Variants in GPR107 observed in about 807,000 individuals in gnomAD.
The protein encoded by GPR107 is protein GPR107.
In GPR107, 31 loss-of-function variants were observed where a neutral mutation model predicts 75.5. That is an observed-to-expected ratio of 0.41 (90% CI 0.31 to 0.55). GPR107 has a LOEUF of 0.55. Among genes scored for constraint, GPR107 ranks in the 20% least tolerant of loss-of-function variants. The probability of loss-of-function intolerance (pLI) is 0.26; values close to 1 mark genes in which losing one functional copy is unlikely to be tolerated. For missense variants in GPR107, 572 were observed against 665.7 expected (o/e 0.86, Z 1.55); for synonymous variants, 267 against 251.3 (o/e 1.06, Z -0.59).
At chr9:130,074,317 C>G (rs1353876928) in intron 1 of GPR107, among the ~76,000 whole-genome samples, 1 of 152,142 alleles carries the variant, frequency 6.6e-6, no homozygotes, top group Admixed American at 6.6e-5. Context: ...CCTCACAGGC[C>G]TTTGGTGTTT....
At position 130,083,592 on chromosome 9, in the gene GPR107, T is replaced by C; in HGVS notation, c.554T>C (p.Val185Ala). ...GGTGGAAAGTCTAAAAGAAGTACAG[T>C]GGATTCAAAGGTAAGAACTAACCAC... Reference protein sequence around the residue: ...QDGGKSKRSTVDSKAMGEKSF... With the variant: ...QDGGKSKRSTADSKAMGEKSF... The change falls in exon 6 of 18, where the codon GTG (valine) becomes GCG (alanine). Residue 185 changes from valine to alanine, a missense_variant. Transcript: ENST00000347136. The C allele has an allele frequency of 6.5e-7, 1 of 1,528,734 alleles. No homozygotes were observed. The highest frequency in any genetic ancestry group is 8.7e-7 in the Non-Finnish European group (1 of 1,147,128). The allele number at this position is 1,528,734 out of a possible 1,614,324, so 94.7% of individuals were successfully genotyped here.
intron 1 of GPR107, among the ~76,000 whole-genome samples, chr9:130,069,388 T>C (rs997045735): frequency 3.9e-5 from 6 of 152,158 alleles, no homozygotes; most frequent in African/African-American, 1.4e-4. Context: ...TAGCTGAACC[T>C]CCATTGCCTG....
intron 1 of GPR107, among the ~76,000 whole-genome samples, chr9:130,056,715 G>A (rs1829798757): frequency 6.6e-6 from 1 of 151,782 alleles, no homozygotes; most frequent in Non-Finnish European, 1.5e-5. Flanking sequence ...CACAGGGTCA[G>A]GAGATTGAGA....
chr9:130,063,031 T>C (rs1167207807), intron 1 of GPR107, among the ~76,000 whole-genome samples: 2 of 152,228 alleles, frequency 1.3e-5, no homozygotes, highest in Admixed American at 1.3e-4. Context: ...TTGGTTATTT[T>C]AATACCAATG....
At chr9:130,122,858 G>A (rs1290299071) in intron 14 of GPR107, among the ~76,000 whole-genome samples, 3 of 152,018 alleles carry the variant, frequency 2.0e-5, no homozygotes, top group Admixed American at 1.3e-4. Context: ...AAAATTAGTC[G>A]GGCGTGGTGG....
At chr9:130,086,520 C>G (rs2302412) in intron 7 of GPR107, 44 bp downstream of exon 7, 1 of 1,146,380 alleles carries the variant, frequency 8.7e-7, no homozygotes, top group East Asian at 2.3e-5. Flanking sequence ...TTTCTCTCTA[C>G]CATGTAAAAG....
chr9:130,125,603 T>C (rs943086327), intron 15 of GPR107, among the ~76,000 whole-genome samples: 2 of 141,774 alleles, frequency 1.4e-5, no homozygotes, highest in African/African-American at 5.4e-5. Flanking sequence ...GTTCCTTTTT[T>C]TTTTTTTTTT....
chr9:130,077,866 C>G (rs1367830169), intron 4 of GPR107, among the ~76,000 whole-genome samples: 2 of 152,088 alleles, frequency 1.3e-5, no homozygotes, highest in Admixed American at 6.6e-5. Flanking sequence ...GACAATTCAG[C>G]CTCTTTGAAA....
In GPR107 at chr9:130,138,746, G is replaced by A. The variant is rs1564691482; in HGVS notation, c.*3625G>A. On this transcript the variant is annotated 3_prime_UTR_variant, in exon 18 of 18. Transcript: ENST00000347136. ...CTCATGCCAAATATTATTGCTCTGG[G>A]CCATATAGGCTGGTCTTCCTCCACA... The A allele has an allele frequency of 6.6e-6, 1 of 152,024 alleles. No individual in the cohort carries two copies. Among genetic ancestry groups the A allele is most frequent in the Non-Finnish European group, 1.5e-5 (1 of 68,032 alleles). 9.4% of individuals were successfully genotyped at this position (152,024 alleles called of 1,614,324 possible).
rs549931425 is a variant in GPR107 at position 130,112,809 on chromosome 9, G to A, written c.1306+5270G>A. Among the ~76,000 whole-genome samples, 1 of 152,060 alleles carries A rather than the reference G, an allele frequency of 6.6e-6. No homozygotes were observed. Among genetic ancestry groups the A allele is most frequent in the African/African-American group, 2.4e-5 (1 of 41,386 alleles). ...CTGTTGCCCAGGCTGGAGTCCAGTG[G>A]TGTAATCTTGGCTTACTGCAGCCTC... On this transcript the variant is annotated intron_variant, in intron 14 of 17. Transcript: ENST00000347136. This position sits in a 1 kb window ranked among gnomAD's most constrained non-coding sequence, Gnocchi z 4.0.
chr9:130,123,514 T>C (rs1191085863), intron 14 of GPR107, among the ~76,000 whole-genome samples: 1 of 73,286 alleles, frequency 1.4e-5, no homozygotes, highest in Non-Finnish European at 2.7e-5. Context: ...TTTCTTTTTT[T>C]TCTTTCTTTT....
chr9:130,135,105 G>A lies in GPR107; in HGVS notation c.1643G>A (p.Trp548Ter), dbSNP rs781913664. ...TNGSVEPQGE[W>*]EGAV The stretch of plus-strand genomic sequence containing the variant: ...GGCTCCGTGGAGCCCCAGGGCGAGT[G>A]GGAAGGCGCCGTGTGACAGAGCCGA... The change falls in exon 18 of 18, where the codon TGG becomes TAG. Residue 548 changes from tryptophan to a stop codon, truncating the protein, a stop_gained. Coordinates refer to ENST00000347136, the MANE Select transcript of GPR107 (RefSeq NM_020960.5). LOFTEE classifies it high-confidence loss of function. 8 of 1,603,946 alleles carry A rather than the reference G, an allele frequency of 5.0e-6. No homozygotes were observed. Among genetic ancestry groups the A allele is most frequent in the Non-Finnish European group, 6.8e-6 (8 of 1,172,758 alleles).
intron 14 of GPR107, among the ~76,000 whole-genome samples, chr9:130,122,486 A>G (rs1326512076): frequency 2.0e-5 from 3 of 152,170 alleles, no homozygotes; most frequent in African/African-American, 7.2e-5. Flanking sequence ...CTCAGTTCTC[A>G]TGTCTTGTCC....
chr9:130,055,043 T>C (rs955504799), intron 1 of GPR107, among the ~76,000 whole-genome samples: 3 of 152,098 alleles, frequency 2.0e-5, no homozygotes, highest in Non-Finnish European at 2.9e-5. Flanking sequence ...TGATTACTCA[T>C]TGCATTCCAG....
chr9:130,101,603 A>G (rs113887987), intron 12 of GPR107, among the ~76,000 whole-genome samples: 2,231 of 151,954 alleles, frequency 0.015, 46 homozygotes, highest in African/African-American at 0.045. Context: ...AAAACCGTGA[A>G]CTACACCAGT....
intron 15 of GPR107, among the ~76,000 whole-genome samples, chr9:130,125,355 T>C (rs9697249): frequency 0.31 from 47,238 of 150,468 alleles, 7,580 homozygotes; most frequent in Non-Finnish European, 0.37. Flanking sequence ...GTGCGGGGAT[T>C]ACAGCGTGAG....
chr9:130,065,150 G>A (rs1050097709), intron 1 of GPR107, among the ~76,000 whole-genome samples: 1 of 152,112 alleles, frequency 6.6e-6, no homozygotes, highest in Non-Finnish European at 1.5e-5. Context: ...AACATGTTTA[G>A]CCATTAAGTG....
At position 130,099,545 on chromosome 9, in the gene GPR107, A is replaced by G. The variant is rs1413062873; in HGVS notation, c.939+13A>G. The G allele has an allele frequency of 6.8e-7, 1 of 1,476,856 alleles. No individual in the cohort carries two copies. Among genetic ancestry groups the G allele is most frequent in the Non-Finnish European group, 9.5e-7 (1 of 1,057,656 alleles). The allele number at this position is 1,476,856 out of a possible 1,614,324, so 91.5% of individuals were successfully genotyped here. The stretch of plus-strand genomic sequence containing the variant: ...GGTGTTCCATGCAGTATGTATTAGC[A>G]TTTTGAGGATCATTCATGAAATTAC... On this transcript the variant is annotated intron_variant, in intron 10 of 17. Transcript: ENST00000347136.
At chr9:130,119,030 G>A (rs1044067193) in intron 14 of GPR107, among the ~76,000 whole-genome samples, 4 of 152,166 alleles carry the variant, frequency 2.6e-5, no homozygotes, top group African/African-American at 4.8e-5. Context: ...GTGAGCCTTC[G>A]CTCCCACAGG....
Sources: gnomAD v4.1 joint callset for allele counts (sites outside exome capture counted in the v4.1 genomes callset) on GRCh38, gnomAD v4.1.1 for gene constraint, Gnocchi (gnomAD v3.1) non-coding constraint, MANE v1.5 for transcripts, NCBI Gene and HGNC (gene_info 2026-07-23, HGNC 2026-07-21) for gene names.